PDZD2: variants seen among roughly 807,000 people sequenced by gnomAD.
The protein encoded by PDZD2 is PDZ domain containing 2.
In PDZD2, 90 loss-of-function variants were observed where a neutral mutation model predicts 220.7. The ratio of observed to expected loss-of-function variants is 0.41; its 90% CI spans 0.34 to 0.49. The LOEUF (loss-of-function observed/expected upper bound fraction) is 0.49. Ranked by LOEUF, PDZD2 falls within the 20% of genes least tolerant of loss-of-function variation. PDZD2 has a pLI of 0.28. For missense variants in PDZD2, 3,174 were observed against 3,608.5 expected (o/e 0.88, Z 3.08); for synonymous variants, 1,375 against 1,450.5 (o/e 0.95, Z 1.18).
rs1037306467 is a variant in PDZD2 at position 31,989,302 on chromosome 5, C to A, written c.978+5646C>A. ...GAACATGGAGTATTTGACTTTGTGT[C>A]CTGAGTTATTTCACTGAAGGTAATG... On this transcript the variant is annotated intron_variant, in intron 3 of 24. Coordinates refer to ENST00000438447, the MANE Select transcript of PDZD2 (RefSeq NM_178140.4). Among the ~76,000 whole-genome samples the A allele has an allele frequency of 2.2e-4, 34 of 152,110 alleles. 1 individual carries two copies. The highest frequency in any genetic ancestry group is 7.3e-5 in the Non-Finnish European group (5 of 68,038).
At chr5:31,688,379 C>G (rs991099604) in intron 1 of PDZD2, among the ~76,000 whole-genome samples, 3 of 152,150 alleles carry the variant, frequency 2.0e-5, no homozygotes. Flanking sequence ...AGGGCTGGTC[C>G]ACTTCTTTTC....
chr5:31,967,250 T>C (rs1238470275), intron 2 of PDZD2, among the ~76,000 whole-genome samples: 1 of 152,118 alleles, frequency 6.6e-6, no homozygotes, highest in South Asian at 2.1e-4. Context: ...ATGCCGTCAA[T>C]GTTTGAATTT....
At chr5:31,849,389 A>C (rs986365088) in intron 2 of PDZD2, among the ~76,000 whole-genome samples, 8 of 152,170 alleles carry the variant, frequency 5.3e-5, no homozygotes, top group African/African-American at 1.9e-4. Context: ...ACTGCAAAAA[A>C]ATGAGATAAT....
At chr5:32,100,954 G>T in intron 23 of PDZD2, 151 bp from the exon 24 acceptor site, 1 of 1,602,568 alleles carries the variant, frequency 6.2e-7, no homozygotes. Context: ...GGGCTCAAGT[G>T]CTGTTATAAG....
intron 1 of PDZD2, among the ~76,000 whole-genome samples, chr5:31,790,939 C>T (rs1753680135): frequency 1.3e-5 from 2 of 151,784 alleles, no homozygotes; most frequent in Non-Finnish European, 2.9e-5. Context: ...ACCTCGTGAT[C>T]CGCCCGCGTC....
chr5:32,099,631 G>A (rs935418015), intron 23 of PDZD2: 2 of 152,212 alleles, frequency 1.3e-5, no homozygotes. Context: ...CCCCAAAACT[G>A]TCTCGACCAC....
In PDZD2 at chr5:32,080,380, GA is replaced by G. The variant is rs1348584279; in HGVS notation, c.3682+2775del. 4.6e-3 allele frequency among the ~76,000 whole-genome samples: 647 copies of G among 141,826 alleles called. 19 individuals are homozygous for G. Among genetic ancestry groups the G allele is most frequent in the African/African-American group, 0.019 (627 of 32,492 alleles). 93.0% of individuals were successfully genotyped at this position (141,826 alleles called of 152,430 possible). ...AAAAAAAAAAAAAAAAGTGGGGGGT[GA>G]GGGGTTTCTATTTGAGGGAGATGAA... On this transcript the variant is annotated intron_variant, in intron 19 of 24. Transcript: ENST00000438447.
rs1375688425 is a variant in PDZD2, at chr5:31,689,330, C to CATATGCAT, written c.-361+49897_-361+49898insGCATATAT. On this transcript the variant is annotated intron_variant, in intron 1 of 24. Transcript: ENST00000438447. ...ATACATACATATACACATATATATA[C>CATATGCAT]ATATACATATATATATATATATATT... 1.9e-3 allele frequency among the ~76,000 whole-genome samples: 112 copies of CATATGCAT among 58,580 alleles called. 14 individuals carry two copies. The highest frequency in any genetic ancestry group is 0.01 in the Middle Eastern group (1 of 98). The allele number at this position is 58,580 out of a possible 152,430, so 38.4% of individuals were successfully genotyped here. A position where few individuals can be genotyped will look rare whatever the true frequency, so the allele number is the denominator to read the frequency against.
chr5:31,644,077 C>G (rs1372956326), intron 1 of PDZD2, among the ~76,000 whole-genome samples: 1 of 152,052 alleles, frequency 6.6e-6, no homozygotes, highest in African/African-American at 2.4e-5. Context: ...AAGCGATCCA[C>G]CCACCTCAGC....
chr5:32,002,677 ACACCAACACACACCACACACAC>A (rs1752260224), intron 5 of PDZD2, among the ~76,000 whole-genome samples: 1 of 133,234 alleles, frequency 7.5e-6, no homozygotes, highest in Non-Finnish European at 1.6e-5. Context: ...CACCACACAC[ACACCAACACACACCACACACAC>A]CACCAACACA....
chr5:31,765,326 C>T (rs1391742861), intron 1 of PDZD2, among the ~76,000 whole-genome samples: 1 of 152,208 alleles, frequency 6.6e-6, no homozygotes, highest in Non-Finnish European at 1.5e-5. Context: ...CCTCCCAGAA[C>T]ATCGGTGACC....
intron 2 of PDZD2, among the ~76,000 whole-genome samples, chr5:31,869,775 T>C: frequency 6.6e-6 from 1 of 152,182 alleles, no homozygotes; most frequent in Admixed American, 6.5e-5. Context: ...CTTATTGCTA[T>C]TGGCAGTGCC....
Position 31,691,314 on chromosome 5 carries a change from C to T in PDZD2, c.-361+51877C>T, listed in dbSNP as rs367876966. Among the ~76,000 whole-genome samples the T allele has an allele frequency of 9.2e-5, 14 of 152,100 alleles. 3 individuals are homozygous for T. The highest frequency in any genetic ancestry group is 3.1e-4 in the African/African-American group (13 of 41,482). ...TCAGGAGTGAAGCTGCAGACCTTCG[C>T]GGTGAGTGTTACAGCTCATAAAGGC... On this transcript the variant is annotated intron_variant, in intron 1 of 24. Transcript: ENST00000438447.
At chr5:32,096,083 A>G (rs373777217) in intron 21 of PDZD2, among the ~76,000 whole-genome samples, 3 of 151,764 alleles carry the variant, frequency 2.0e-5, no homozygotes, top group East Asian at 1.9e-4. Context: ...TTGCTCCCAT[A>G]AGACATTGAA....
chr5:31,892,542 T>C (rs1741134514), intron 2 of PDZD2, among the ~76,000 whole-genome samples: 1 of 152,102 alleles, frequency 6.6e-6, no homozygotes, highest in African/African-American at 2.4e-5. Flanking sequence ...GAGTTTGGGG[T>C]ACACAGGTGT....
intron 17 of PDZD2, 50 bp downstream of exon 17, chr5:32,072,367 T>C: frequency 7.0e-7 from 1 of 1,436,996 alleles, no homozygotes; most frequent in Non-Finnish European, 9.5e-7. Flanking sequence ...CAGTCAGCAG[T>C]GACTGGTTTC....
In PDZD2 at chr5:31,776,150, C is replaced by T. The variant is rs565525489; in HGVS notation, c.-360-22739C>T. ...TGTGTGAATAAGGGGCCTTCACTGG[C>T]GGAGCCCCTAGGTCTCTGCCGTTCC... On this transcript the variant is annotated intron_variant, in intron 1 of 24. Transcript: ENST00000438447. 5.9e-5 allele frequency among the ~76,000 whole-genome samples: 9 copies of T among 152,296 alleles called. No individual in the cohort carries two copies. The East Asian group carries it at 1.4e-3, about 23-fold the overall frequency.
At chr5:32,099,506 C>G (rs1182251702) in intron 23 of PDZD2, 2 of 152,348 alleles carry the variant, frequency 1.3e-5, no homozygotes, top group African/African-American at 4.8e-5. Flanking sequence ...CCAGATGCCT[C>G]CATGGTCCCC....
At chr5:31,882,345 A>G (rs1438563295) in intron 2 of PDZD2, among the ~76,000 whole-genome samples, 3 of 152,156 alleles carry the variant, frequency 2.0e-5, no homozygotes, top group Non-Finnish European at 4.4e-5. Context: ...CCAAAACACA[A>G]CTGATCGAGG....
Sources: gnomAD v4.1 joint callset for allele counts (sites outside exome capture counted in the v4.1 genomes callset) on GRCh38, gnomAD v4.1.1 for gene constraint, MANE v1.5 for transcripts, NCBI Gene and HGNC (gene_info 2026-07-23, HGNC 2026-07-21) for gene names.